GRIP1: variants seen among roughly 807,000 people sequenced by gnomAD.
GRIP1 encodes glutamate receptor-interacting protein 1.
Under a neutral mutation model 129.9 loss-of-function variants are expected in GRIP1, and 45 were observed. The observed-to-expected ratio is 0.35, with a 90% CI of 0.27 to 0.44. GRIP1 has a LOEUF of 0.44. Among genes scored for constraint, GRIP1 ranks in the 20% least tolerant of loss-of-function variants. The pLI is 1.00. For synonymous variants in GRIP1, 530 were observed against 520.8 expected (o/e 1.02, Z -0.24); for missense variants, 1,196 against 1,396.8 (o/e 0.86, Z 2.29).
At chr12:66,854,169 C>T (rs10506507) in intron 1 of GRIP1, among the ~76,000 whole-genome samples, 23,620 of 151,894 alleles carry the variant, frequency 0.16, 2,008 homozygotes, top group East Asian at 0.37. Context: ...GATAAACAGA[C>T]TGTATCAAAA....
At position 66,353,541 on chromosome 12, in the gene GRIP1, T is replaced by A; in HGVS notation, c.3035A>T (p.Asp1012Val). 1 of 1,614,012 alleles carries A rather than the reference T, an allele frequency of 6.2e-7. No homozygotes were observed. The highest frequency in any genetic ancestry group is 8.5e-7 in the Non-Finnish European group (1 of 1,179,856). Residue 1012 changes from aspartate to valine, a missense_variant, in exon 24 of 25, where the codon GAC (aspartate) becomes GTC (valine). Transcript: ENST00000359742. ...LHKVTLYKDS[D>V]MEDFGFSVAD... is the part of the protein sequence containing the mutation. ...TACACTGAACCCAAAGTCCTCCATG[T>A]CAGAGTCCTTGTACAAGGTCACCTG... is the stretch of plus-strand genomic sequence containing the variant.
At chr12:66,895,422 C>A (rs762623248) in intron 1 of GRIP1, among the ~76,000 whole-genome samples, 2 of 152,160 alleles carry the variant, frequency 1.3e-5, no homozygotes. Flanking sequence ...CTCCCAGCCA[C>A]GTGAAACTGT....
chr12:66,637,544 T>A (rs1382767520), intron 1 of GRIP1, among the ~76,000 whole-genome samples: 1 of 150,256 alleles, frequency 6.7e-6, no homozygotes, highest in Non-Finnish European at 1.5e-5. Context: ...TGTTAATAAT[T>A]TTATATCTCT....
chr12:66,632,327 A>T (rs970049508), intron 1 of GRIP1, among the ~76,000 whole-genome samples: 1 of 152,226 alleles, frequency 6.6e-6, no homozygotes, highest in African/African-American at 2.4e-5. Flanking sequence ...TTATCTAAAG[A>T]GAAGGCAAAG....
intron 1 of GRIP1, among the ~76,000 whole-genome samples, chr12:66,754,476 T>C (rs1337405345): frequency 6.6e-6 from 1 of 152,122 alleles, no homozygotes; most frequent in African/African-American, 2.4e-5. Flanking sequence ...AGGATACAAT[T>C]AGATTAAGTT....
At chr12:66,820,643 T>C (rs1317103395) in intron 1 of GRIP1, among the ~76,000 whole-genome samples, 3 of 152,040 alleles carry the variant, frequency 2.0e-5, no homozygotes, top group East Asian at 1.9e-4. Context: ...TAAACTATGG[T>C]ACATTCAGAT....
chr12:66,976,424 A>C (rs919087832), intron 1 of GRIP1, among the ~76,000 whole-genome samples: 1 of 152,192 alleles, frequency 6.6e-6, no homozygotes, highest in Admixed American at 6.5e-5. Flanking sequence ...ACAAATGCAA[A>C]ATGTATCAAA....
chr12:67,006,810 T>A (rs1157730974), intron 1 of GRIP1, among the ~76,000 whole-genome samples: 1 of 152,174 alleles, frequency 6.6e-6, no homozygotes, highest in African/African-American at 2.4e-5. Flanking sequence ...CGTTTACCCA[T>A]GCACAAAGTC....
At chr12:66,598,973 G>A (rs2064166534) in intron 1 of GRIP1, among the ~76,000 whole-genome samples, 1 of 150,092 alleles carries the variant, frequency 6.7e-6, no homozygotes, top group African/African-American at 2.5e-5. Flanking sequence ...TAGTTCTTTA[G>A]AAATGTACCC....
chr12:66,448,901 A>C (rs1000844345), intron 11 of GRIP1, among the ~76,000 whole-genome samples: 2 of 152,074 alleles, frequency 1.3e-5, no homozygotes, highest in African/African-American at 2.4e-5. Context: ...CAAACTTTTC[A>C]ATTCTAGCAG....
intron 1 of GRIP1, among the ~76,000 whole-genome samples, chr12:66,823,720 A>G: frequency 6.9e-6 from 1 of 144,702 alleles, no homozygotes; most frequent in Non-Finnish European, 1.5e-5. Context: ...ATGATTTCCC[A>G]GGCCTGAGAA....
chr12:66,735,831 A>G (rs1022546221), intron 1 of GRIP1, among the ~76,000 whole-genome samples: 3 of 152,078 alleles, frequency 2.0e-5, no homozygotes, highest in Admixed American at 2.0e-4. Context: ...GGTCTTAATC[A>G]TTTTCAGCCT....
chr12:66,954,287 C>G (rs1160918414), intron 1 of GRIP1, among the ~76,000 whole-genome samples: 1 of 152,196 alleles, frequency 6.6e-6, no homozygotes, highest in African/African-American at 2.4e-5. Context: ...TAAAAAATTG[C>G]TGCAGAGTTC....
intron 1 of GRIP1, among the ~76,000 whole-genome samples, chr12:66,612,372 T>A (rs147126498): frequency 8.6e-4 from 131 of 152,270 alleles, no homozygotes; most frequent in African/African-American, 2.9e-3. Flanking sequence ...GTGTATCTCA[T>A]ATCTAGGCTG....
intron 1 of GRIP1, among the ~76,000 whole-genome samples, chr12:66,852,534 ATATATGTATATATG>A (rs1342771773): frequency 1.9e-3 from 199 of 107,412 alleles, no homozygotes; most frequent in African/African-American, 5.5e-3. Context: ...ATGTATATGT[ATATATGTATATATG>A]TATATGTATA....
intron 1 of GRIP1, among the ~76,000 whole-genome samples, chr12:66,644,974 C>CTGGTAGTAATA (rs1189021902): frequency 2.0e-5 from 3 of 152,120 alleles, no homozygotes; most frequent in African/African-American, 7.2e-5. Flanking sequence ...GGCATTTTTA[C>CTGGTAGTAATA]TGGTAGTAAT....
intron 1 of GRIP1, among the ~76,000 whole-genome samples, chr12:67,008,208 G>GC (rs1334690364): frequency 6.6e-6 from 1 of 152,212 alleles, no homozygotes; most frequent in Non-Finnish European, 1.5e-5. Flanking sequence ...CACAGGAGAT[G>GC]CGAGGAAAAG....
intron 1 of GRIP1, among the ~76,000 whole-genome samples, chr12:66,986,156 T>C (rs1425595101): frequency 4.6e-5 from 7 of 152,124 alleles, no homozygotes; most frequent in Non-Finnish European, 1.0e-4. Context: ...AAAATTCTTA[T>C]CTAAAAATCA....
chr12:66,347,759 T>C lies in GRIP1; in HGVS notation c.*1260A>G, dbSNP rs2054038580. 2 of 45,996 alleles carry C rather than the reference T, an allele frequency of 4.3e-5. No homozygotes were observed. Among genetic ancestry groups the C allele is most frequent in the Admixed American group, 6.1e-4 (2 of 3,290 alleles). The allele number at this position is 45,996 out of a possible 1,614,324, so 2.8% of individuals were successfully genotyped here. ...TTTTTTGCACAAAAAGAAAGGTGATTTTTTTTTTATATTTCCTTAAACAAA... is the reference window on the plus strand; with the variant it reads ...TTTTTTGCACAAAAAGAAAGGTGATCTTTTTTTTATATTTCCTTAAACAAA... On this transcript the variant is annotated 3_prime_UTR_variant, in exon 25 of 25. Transcript: ENST00000359742.
Sources: gnomAD v4.1 joint callset for allele counts (sites outside exome capture counted in the v4.1 genomes callset) on GRCh38, gnomAD v4.1.1 for gene constraint, MANE v1.5 for transcripts, NCBI Gene and HGNC (gene_info 2026-07-23, HGNC 2026-07-21) for gene names.